SLIT3: variants seen among roughly 807,000 people sequenced by gnomAD.
SLIT3 encodes the protein slit homolog 3 protein.
A neutral mutation model predicts 184.0 loss-of-function variants in SLIT3; 68 were observed. The ratio of observed to expected loss-of-function variants is 0.37; its 90% CI spans 0.30 to 0.45. The LOEUF is 0.45. Ranked by LOEUF, SLIT3 falls within the 20% of genes least tolerant of loss-of-function variation. SLIT3 has a pLI of 1.00. For synonymous variants in SLIT3, 831 were observed against 828.6 expected (o/e 1.00, Z -0.05); for missense variants, 1,707 against 2,026.0 (o/e 0.84, Z 3.02).
chr5:169,023,907 G>T (rs1219722418), intron 4 of SLIT3: 1 of 152,194 alleles, frequency 6.6e-6, no homozygotes, highest in Non-Finnish European at 1.5e-5. Flanking sequence ...AAAAGGGAAA[G>T]AAATTTTTTT....
intron 4 of SLIT3, among the ~76,000 whole-genome samples, chr5:168,912,501 T>A (rs905147172): frequency 6.6e-6 from 1 of 152,138 alleles, no homozygotes; most frequent in Non-Finnish European, 1.5e-5. Context: ...TCAGGGAAGC[T>A]TCATGTCACA....
At chr5:169,042,531 C>T (rs994180311) in intron 4 of SLIT3, among the ~76,000 whole-genome samples, 39 of 152,290 alleles carry the variant, frequency 2.6e-4, no homozygotes, top group Admixed American at 2.0e-3. Flanking sequence ...CTTATTACAG[C>T]GAGAGCACTT....
chr5:168,670,275 A>G (rs1410229689), intron 34 of SLIT3, among the ~76,000 whole-genome samples: 1 of 152,180 alleles, frequency 6.6e-6, no homozygotes, highest in Admixed American at 6.5e-5. Context: ...GTAGCAAACA[A>G]CTGCTTGAAA....
At chr5:168,673,066 TC>T (rs901057239) in intron 33 of SLIT3, 110 bp downstream of exon 33, 1 of 1,003,994 alleles carries the variant, frequency 1.0e-6, no homozygotes, top group African/African-American at 1.6e-5. Context: ...AGCTTCGTTG[TC>T]CCTTCCTCCA....
At chr5:168,931,935 G>A (rs1761998576) in intron 4 of SLIT3, among the ~76,000 whole-genome samples, 1 of 152,070 alleles carries the variant, frequency 6.6e-6, no homozygotes, top group South Asian at 2.1e-4. Context: ...GCTCCTTGAC[G>A]CTCTACTCTT....
rs1319942034 is a variant in SLIT3 at position 168,685,903 on chromosome 5, TG to T, written c.3338del (p.Pro1113HisfsTer108). 3 of 1,611,426 alleles carry T rather than the reference TG, an allele frequency of 1.9e-6. No homozygotes were observed. The highest frequency in any genetic ancestry group is 2.2e-5 in the East Asian group (1 of 44,764). On this transcript the variant is annotated frameshift_variant, in exon 31 of 36. Coordinates refer to ENST00000519560, the MANE Select transcript of SLIT3 (RefSeq NM_003062.4). LOFTEE classifies it high-confidence loss of function. ...GFSGPFCEHP[P>X]PMVLLQTSPC... ...GGCTGGTCTGCAGTAGGACCATGGG[TG>T]GGGGGTGTTCACAGAAGGGTCCACT...
chr5:168,948,036 C>G lies in SLIT3; in HGVS notation c.414-64700G>C, dbSNP rs1359423149. On this transcript the variant is annotated intron_variant, in intron 4 of 35. Transcript: ENST00000519560. ...CAAACTCCTGACCTCAAGTGATCCGCCCACCTCAGCCTCCCAAAGTGCTGG... is the reference window on the plus strand; with the variant it reads ...CAAACTCCTGACCTCAAGTGATCCGGCCACCTCAGCCTCCCAAAGTGCTGG... Among the ~76,000 whole-genome samples the G allele has an allele frequency of 3.3e-5, 5 of 152,120 alleles. No homozygotes were observed. In the East Asian group the frequency reaches 9.7e-4, roughly 29 times the overall value.
chr5:168,673,359 G>A lies in SLIT3; in HGVS notation c.3687-28C>T, dbSNP rs370050107. The A allele has an allele frequency of 2.4e-4, 382 of 1,611,582 alleles. 1 individual carries two copies. The African/African-American group carries it at 4.4e-3, about 19-fold the overall frequency. On this transcript the variant is annotated intron_variant, in intron 32 of 35. Coordinates refer to ENST00000519560, the MANE Select transcript of SLIT3 (RefSeq NM_003062.4). Reference sequence around the variant, plus strand: ...GGCCAGTAGAGAAGGGGAGAAAGCCGGAGAGTTCACTAAGGGCCTTCCATG... The same window carrying A: ...GGCCAGTAGAGAAGGGGAGAAAGCCAGAGAGTTCACTAAGGGCCTTCCATG...
intron 4 of SLIT3, among the ~76,000 whole-genome samples, chr5:169,073,322 T>G (rs1445119321): frequency 6.6e-6 from 1 of 152,172 alleles, no homozygotes; most frequent in Non-Finnish European, 1.5e-5. Context: ...AGTTGGGCCT[T>G]GGATATACAA....
At chr5:168,842,776 C>T (rs1472849552) in intron 6 of SLIT3, among the ~76,000 whole-genome samples, 4 of 152,180 alleles carry the variant, frequency 2.6e-5, no homozygotes, top group South Asian at 2.1e-4. Context: ...AGAGAATGAC[C>T]GTGAGGGCTG....
chr5:168,739,358 AAAG>A (rs780982315), intron 20 of SLIT3, among the ~76,000 whole-genome samples: 7 of 152,294 alleles, frequency 4.6e-5, no homozygotes, highest in South Asian at 2.1e-4. Flanking sequence ...GGTCTTAATC[AAAG>A]AAGAACACCC....
At chr5:168,771,520 G>A (rs1198007663) in intron 14 of SLIT3, among the ~76,000 whole-genome samples, 1 of 152,140 alleles carries the variant, frequency 6.6e-6, no homozygotes, top group Non-Finnish European at 1.5e-5. Flanking sequence ...CTCTCCTACT[G>A]ACTTCCCAGG....
rs543296608 is a variant in SLIT3, at chr5:168,847,654, C to T, written c.486-2999G>A. ...TTTTCTTTGCAAAATGACACCTCAGCGACATAAAAGTTAGTCCTGATGCAC... is the reference window on the plus strand; with the variant it reads ...TTTTCTTTGCAAAATGACACCTCAGTGACATAAAAGTTAGTCCTGATGCAC... On this transcript the variant is annotated intron_variant, in intron 5 of 35. Transcript: ENST00000519560. Among the ~76,000 whole-genome samples, 35 of 152,270 alleles carry T rather than the reference C, an allele frequency of 2.3e-4. No individual in the cohort carries two copies. The South Asian group carries it at 5.4e-3, about 23-fold the overall frequency.
At chr5:169,067,529 G>A (rs1321404390) in intron 4 of SLIT3, among the ~76,000 whole-genome samples, 2 of 152,224 alleles carry the variant, frequency 1.3e-5, no homozygotes, top group African/African-American at 4.8e-5. Flanking sequence ...GCTGAGAAGT[G>A]GATGCTGCAA....
intron 4 of SLIT3, among the ~76,000 whole-genome samples, chr5:169,038,369 CAT>C (rs750175560): frequency 2.1e-4 from 32 of 152,176 alleles, no homozygotes; most frequent in Non-Finnish European, 3.5e-4. Context: ...ACAATGTACA[CAT>C]ATGGAATACA....
At chr5:169,159,994 C>A (rs1762427616) in intron 4 of SLIT3, among the ~76,000 whole-genome samples, 2 of 152,156 alleles carry the variant, frequency 1.3e-5, no homozygotes, top group African/African-American at 4.8e-5. Flanking sequence ...AGAACAAAGC[C>A]AAATCAACCT....
At chr5:168,982,411 G>A (rs977141154) in intron 4 of SLIT3, among the ~76,000 whole-genome samples, 2 of 152,160 alleles carry the variant, frequency 1.3e-5, no homozygotes, top group Non-Finnish European at 2.9e-5. Context: ...TGAACAACAA[G>A]AAGGTTCTCA....
At chr5:168,865,512 A>T (rs573647234) in intron 5 of SLIT3, among the ~76,000 whole-genome samples, 7 of 152,372 alleles carry the variant, frequency 4.6e-5, no homozygotes, top group Non-Finnish European at 8.8e-5. Context: ...GATTCCATTT[A>T]TATGAAATAG....
chr5:168,850,749 T>C (rs1030748961), intron 5 of SLIT3, among the ~76,000 whole-genome samples: 2 of 152,228 alleles, frequency 1.3e-5, no homozygotes, highest in Non-Finnish European at 2.9e-5. Flanking sequence ...TTCATATAGA[T>C]CATAATGCCG....
Sources: gnomAD v4.1 joint callset for allele counts (sites outside exome capture counted in the v4.1 genomes callset) on GRCh38, gnomAD v4.1.1 for gene constraint, MANE v1.5 for transcripts, NCBI Gene and HGNC (gene_info 2026-07-23, HGNC 2026-07-21) for gene names.